The following AFAP1 variants were observed in gnomAD, a reference collection of about 807,000 sequenced individuals.
AFAP1 encodes actin filament-associated protein 1.
A neutral mutation model predicts 93.9 loss-of-function variants in AFAP1; 75 were observed. That is an observed-to-expected ratio of 0.80 (90% CI 0.66 to 0.97). The LOEUF (loss-of-function observed/expected upper bound fraction) is 0.97, where lower values mean the gene tolerates loss of function less well. Ranked by LOEUF, AFAP1 falls within the 50% of genes least tolerant of loss-of-function variation. The pLI is 0.00. For synonymous variants in AFAP1, 517 were observed against 430.7 expected (o/e 1.20, Z -2.48); for missense variants, 1,201 against 1,050.8 (o/e 1.14, Z -1.98).
At chr4:7,844,804 T>TG (rs1158469869) in intron 4 of AFAP1, among the ~76,000 whole-genome samples, 10 of 152,234 alleles carry the variant, frequency 6.6e-5, no homozygotes, top group Non-Finnish European at 1.5e-4. Flanking sequence ...ATAAGCTCCC[T>TG]GAGACAGGAT....
intron 3 of AFAP1, among the ~76,000 whole-genome samples, chr4:7,867,405 C>T (rs1352755293): frequency 2.0e-5 from 3 of 152,028 alleles, no homozygotes; most frequent in South Asian, 2.1e-4. Flanking sequence ...AGCGCGGGGG[C>T]GGGAAGCAGG....
chr4:7,830,105 GA>G (rs35311125), intron 6 of AFAP1, among the ~76,000 whole-genome samples: 75,457 of 151,396 alleles, frequency 0.5, 20,135 homozygotes, highest in East Asian at 0.7. Flanking sequence ...TGTTTAGGTG[GA>G]AAAAAAAAAA....
At chr4:7,884,335 A>G (rs935789440) in intron 1 of AFAP1, among the ~76,000 whole-genome samples, 11 of 152,204 alleles carry the variant, frequency 7.2e-5, no homozygotes, top group Non-Finnish European at 1.6e-4. Context: ...CCTAACCCGT[A>G]TATCAACAAA....
intron 14 of AFAP1, chr4:7,777,201 A>G (rs565591270): frequency 1.3e-4 from 20 of 152,306 alleles, no homozygotes; most frequent in African/African-American, 4.6e-4. Flanking sequence ...AAACAACACT[A>G]AAAGAGGTGA....
chr4:7,843,166 G>A lies in AFAP1; in HGVS notation c.519C>T (p.Leu173=), dbSNP rs371186675. 1.2e-6 allele frequency: 2 copies of A among 1,614,180 alleles called. No individual in the cohort carries two copies. Among genetic ancestry groups the A allele is most frequent in the East Asian group, 4.5e-5 (2 of 44,878 alleles). ...GCAGTTTGGTGTCTTTGATGACGCA[G>A]AGCAACTTGGTCCACTGGCCGAACC... is the stretch of plus-strand genomic sequence containing the variant. ...KKRFGQWTKL[L]CVIKDTKLLC... The change falls in exon 5 of 18, where the codon CTC becomes CTT. Residue 173 remains leucine (L), a synonymous_variant. Transcript: ENST00000420658.
intron 3 of AFAP1, among the ~76,000 whole-genome samples, chr4:7,857,767 G>C (rs377341474): frequency 6.6e-6 from 1 of 152,158 alleles, no homozygotes; most frequent in East Asian, 1.9e-4. Context: ...TTCATGTCCT[G>C]GAAAAGCACG....
At chr4:7,847,805 T>G (rs901770421) in intron 4 of AFAP1, among the ~76,000 whole-genome samples, 3 of 134,096 alleles carry the variant, frequency 2.2e-5, no homozygotes, top group Admixed American at 7.2e-5. Flanking sequence ...GGGTGGGGCA[T>G]TGATTAGATA....
chr4:7,873,342 C>CT (rs1158765422), intron 1 of AFAP1, among the ~76,000 whole-genome samples: 19,075 of 50,918 alleles, frequency 0.37, 9,058 homozygotes, highest in Non-Finnish European at 0.53. Context: ...GAAGACACAC[C>CT]TTTTTTTTTT....
chr4:7,769,109 A>C, intron 16 of AFAP1, 101 bp from the exon 17 acceptor site: 4 of 1,425,688 alleles, frequency 2.8e-6, no homozygotes, highest in African/African-American at 1.4e-5. Flanking sequence ...AAGTTTTGGA[A>C]ATGGGCAAAA....
At chr4:7,820,120 C>G (rs1560179108) in intron 6 of AFAP1, among the ~76,000 whole-genome samples, 1 of 152,058 alleles carries the variant, frequency 6.6e-6, no homozygotes, top group Non-Finnish European at 1.5e-5. Flanking sequence ...CTGGAGTGAC[C>G]CCACTGAAGA....
At chr4:7,863,738 G>C (rs1716024154) in intron 3 of AFAP1, among the ~76,000 whole-genome samples, 1 of 152,038 alleles carries the variant, frequency 6.6e-6, no homozygotes, top group Admixed American at 6.6e-5. Flanking sequence ...AGCACTATTA[G>C]ACACTAAAAA....
intron 9 of AFAP1, among the ~76,000 whole-genome samples, chr4:7,806,636 T>C (rs1719540005): frequency 6.6e-6 from 1 of 152,166 alleles, no homozygotes; most frequent in Non-Finnish European, 1.5e-5. Flanking sequence ...ACTTTGCAGC[T>C]GTACTAAAAT....
rs141886532 is a variant in AFAP1 at position 7,917,161 on chromosome 4, G to A, written c.-3+22495C>T. On this transcript the variant is annotated intron_variant, in intron 1 of 17. Transcript: ENST00000420658. ...ACTCATTTCATGTAGCCCGCCTGGCGCACAGACCCTGTCACATGGTAAATG... is the reference window on the plus strand; with the variant it reads ...ACTCATTTCATGTAGCCCGCCTGGCACACAGACCCTGTCACATGGTAAATG... Among the ~76,000 whole-genome samples, 14 of 152,194 alleles carry A rather than the reference G, an allele frequency of 9.2e-5. No individual in the cohort carries two copies. The East Asian group carries it at 2.1e-3, about 23-fold the overall frequency.
Position 7,816,032 on chromosome 4 carries a change from T to A in AFAP1, c.890A>T (p.Asn297Ile). Residue 297 changes from asparagine (N) to isoleucine (I), a missense_variant, in exon 8 of 18, where the codon AAT becomes ATT. By Grantham distance (149) the Asn-to-Ile change is moderately radical. Transcript: ENST00000420658. Reference sequence around the variant, plus strand: ...GCAGAACTCACCTTGCTCCTTTCCATTACATGTGGTAATTCCATTTTCCAC... The same window carrying A: ...GCAGAACTCACCTTGCTCCTTTCCAATACATGTGGTAATTCCATTTTCCAC... ...GVVENGITTC[N>I]GKEQVKRKKS... 6.2e-7 allele frequency: 1 copy of A among 1,612,776 alleles called. No homozygotes were observed. Among genetic ancestry groups the A allele is most frequent in the Non-Finnish European group, 8.5e-7 (1 of 1,179,524 alleles).
chr4:7,929,330 A>C (rs1720936928), intron 1 of AFAP1, among the ~76,000 whole-genome samples: 1 of 152,152 alleles, frequency 6.6e-6, no homozygotes, highest in Non-Finnish European at 1.5e-5. Flanking sequence ...GCCAAGCATC[A>C]AAAACTACAC....
Position 7,768,858 on chromosome 4 carries a change from G to T in AFAP1, c.2404C>A (p.Leu802Met). The T allele has an allele frequency of 6.2e-7, 1 of 1,602,954 alleles. No homozygotes were observed. The highest frequency in any genetic ancestry group is 1.3e-5 in the African/African-American group (1 of 74,806). The change falls in exon 17 of 18, where the codon CTG (leucine) becomes ATG (methionine). Residue 802 changes from leucine (L) to methionine (M), a missense_variant. Physicochemically the swap from Leu to Met is conservative, Grantham distance 15. Transcript: ENST00000420658. ...PGSSPCRGHV[L>M]RKAKEWELKN... ...TCAGGGCTTACCTTGGCCTTCCGCA[G>T]CACATGCCCTCGGCAGGGGGAGCTG...
intron 6 of AFAP1, among the ~76,000 whole-genome samples, chr4:7,836,850 T>C (rs956009018): frequency 1.3e-5 from 2 of 150,588 alleles, no homozygotes; most frequent in African/African-American, 4.9e-5. Context: ...AACCACTGAA[T>C]TGGACTTGAA....
intron 1 of AFAP1, among the ~76,000 whole-genome samples, chr4:7,928,288 A>AT (rs1553857517): frequency 1.3e-5 from 2 of 152,170 alleles, no homozygotes; most frequent in East Asian, 3.9e-4. Context: ...ATCCCACCTG[A>AT]TTCCTCCGCT....
At chr4:7,771,873 G>A (rs1361028374) in intron 16 of AFAP1, among the ~76,000 whole-genome samples, 2 of 152,140 alleles carry the variant, frequency 1.3e-5, no homozygotes, top group African/African-American at 4.8e-5. Flanking sequence ...TGGGGGGATG[G>A]GAGAGGCTTG....
Sources: gnomAD v4.1 joint callset for allele counts (sites outside exome capture counted in the v4.1 genomes callset) on GRCh38, gnomAD v4.1.1 for gene constraint, MANE v1.5 for transcripts, NCBI Gene and HGNC (gene_info 2026-07-23, HGNC 2026-07-21) for gene names.